The following CNTLN variants were observed in gnomAD, a reference collection of about 807,000 sequenced individuals.
CNTLN encodes centlein, centrosomal protein.
CNTLN carries 212 observed loss-of-function variants against 180.0 expected under a neutral mutation model. That is an observed-to-expected ratio of 1.18 (90% CI 1.05 to 1.32). CNTLN has a LOEUF of 1.32. CNTLN is among the 40% of genes most tolerant of loss of function. CNTLN has a pLI of 0.00. For synonymous variants in CNTLN, 722 were observed against 563.1 expected (o/e 1.28, Z -3.99); for missense variants, 2,095 against 1,610.9 (o/e 1.30, Z -5.14).
intron 5 of CNTLN, among the ~76,000 whole-genome samples, chr9:17,251,388 G>A (rs1576962): frequency 0.44 from 67,300 of 151,446 alleles, 15,796 homozygotes; most frequent in South Asian, 0.64. Context: ...CATAATATGT[G>A]TGTTGGTCTG....
intron 2 of CNTLN, among the ~76,000 whole-genome samples, chr9:17,174,588 C>G (rs771291953): frequency 6.6e-6 from 1 of 151,506 alleles, no homozygotes; most frequent in African/African-American, 2.4e-5. Context: ...CCCAGCTACT[C>G]GGGAGGCTGA....
At chr9:17,297,198 C>T (rs529027032) in intron 6 of CNTLN, among the ~76,000 whole-genome samples, 1 of 152,170 alleles carries the variant, frequency 6.6e-6, no homozygotes, top group South Asian at 2.1e-4. Flanking sequence ...ACATTATTTG[C>T]ATAGCATGTA....
At chr9:17,293,465 G>A (rs1755536801) in intron 6 of CNTLN, among the ~76,000 whole-genome samples, 1 of 152,196 alleles carries the variant, frequency 6.6e-6, no homozygotes, top group Non-Finnish European at 1.5e-5. Flanking sequence ...CTAAACCCCT[G>A]GCTGCAGTTG....
intron 5 of CNTLN, among the ~76,000 whole-genome samples, chr9:17,257,189 A>T (rs560843634): frequency 1.3e-5 from 2 of 149,772 alleles, no homozygotes; most frequent in Non-Finnish European, 3.0e-5. Context: ...ATGTGATCTC[A>T]TTGTTCAATT....
chr9:17,318,250 C>T (rs1339263721), intron 8 of CNTLN, among the ~76,000 whole-genome samples: 3 of 151,912 alleles, frequency 2.0e-5, no homozygotes, highest in African/African-American at 4.8e-5. Flanking sequence ...AAGATGGTCT[C>T]GGTTTCCTGA....
rs564682591 is a variant in CNTLN at position 17,145,137 on chromosome 9, G to A, written c.449+1761G>A. 6.5e-4 allele frequency among the ~76,000 whole-genome samples: 98 copies of A among 150,082 alleles called. 1 individual carries two copies. The highest frequency in any genetic ancestry group is 2.3e-3 in the African/African-American group (96 of 40,852). On this transcript the variant is annotated intron_variant, in intron 2 of 25. Transcript: ENST00000380647. ...ATTACAGGCGTGAGCCACCGCACCC[G>A]GCCTGGAGAATTTATTAAAATGAAG... is the stretch of plus-strand genomic sequence containing the variant.
At chr9:17,398,989 GT>G in intron 15 of CNTLN, among the ~76,000 whole-genome samples, 1 of 152,292 alleles carries the variant, frequency 6.6e-6, no homozygotes, top group East Asian at 1.9e-4. Context: ...GAGCCTGGAG[GT>G]AGCACCAGAG....
chr9:17,301,122 A>G (rs1818314960), intron 7 of CNTLN: 1 of 985,296 alleles, frequency 1.0e-6, no homozygotes, highest in South Asian at 4.7e-5. Context: ...TGCTGAGAAG[A>G]TAAGATATCA....
intron 6 of CNTLN, among the ~76,000 whole-genome samples, chr9:17,292,503 A>G (rs1375563673): frequency 1.3e-5 from 2 of 151,760 alleles, no homozygotes; most frequent in Non-Finnish European, 2.9e-5. Flanking sequence ...GTTTCTTTTC[A>G]TTCTTTTTTC....
intron 8 of CNTLN, among the ~76,000 whole-genome samples, chr9:17,312,365 T>TATATATATATAATATATATATATATATA (rs1819221748): frequency 1.4e-4 from 1 of 7,214 alleles, no homozygotes; most frequent in African/African-American, 2.3e-4. Flanking sequence ...ATATATATAT[T>TATATATATATAATATATATATATATATA]ATATATATAT....
At chr9:17,346,148 C>T (rs1448633459) in intron 12 of CNTLN, among the ~76,000 whole-genome samples, 2 of 152,092 alleles carry the variant, frequency 1.3e-5, no homozygotes, top group East Asian at 1.9e-4. Context: ...GAAGGGGAAG[C>T]AAGGACCTTT....
chr9:17,278,244 G>A (rs1469848596), intron 6 of CNTLN, among the ~76,000 whole-genome samples: 3 of 151,808 alleles, frequency 2.0e-5, no homozygotes, highest in Non-Finnish European at 4.4e-5. Context: ...AGGCTAAGCA[G>A]AGTAGAGATG....
At chr9:17,280,310 G>T (rs1746366576) in intron 6 of CNTLN, among the ~76,000 whole-genome samples, 1 of 152,056 alleles carries the variant, frequency 6.6e-6, no homozygotes, top group Non-Finnish European at 1.5e-5. Flanking sequence ...CCTTTGATCT[G>T]TATCTAGAGG....
At chr9:17,401,710 A>C (rs889494870) in intron 15 of CNTLN, among the ~76,000 whole-genome samples, 16 of 151,862 alleles carry the variant, frequency 1.1e-4, no homozygotes, top group Admixed American at 1.1e-3. Flanking sequence ...AAATTTTAAA[A>C]GTATTACAAG....
intron 3 of CNTLN, among the ~76,000 whole-genome samples, chr9:17,234,033 C>G (rs1277852562): frequency 6.6e-6 from 1 of 151,994 alleles, no homozygotes; most frequent in Non-Finnish European, 1.5e-5. Flanking sequence ...CAGGACCTCT[C>G]CTTTTACTTA....
intron 1 of CNTLN, among the ~76,000 whole-genome samples, chr9:17,137,318 C>T (rs544252365): frequency 6.6e-6 from 1 of 152,272 alleles, no homozygotes; most frequent in East Asian, 1.9e-4. Flanking sequence ...CTTCGGGAAT[C>T]TTGGGGAAAA....
chr9:17,425,761 G>A (rs894951509), intron 18 of CNTLN, among the ~76,000 whole-genome samples: 3 of 152,112 alleles, frequency 2.0e-5, no homozygotes, highest in African/African-American at 7.2e-5. Context: ...ACCTTGGATT[G>A]GCTGAATTGT....
intron 15 of CNTLN, among the ~76,000 whole-genome samples, chr9:17,406,801 T>C (rs955173478): frequency 5.3e-5 from 8 of 151,724 alleles, no homozygotes; most frequent in Non-Finnish European, 1.2e-4. Flanking sequence ...GAATAAAGAA[T>C]TATAAAGAGA....
intron 1 of CNTLN, among the ~76,000 whole-genome samples, chr9:17,137,133 T>C (rs573025134): frequency 6.6e-5 from 10 of 152,332 alleles, no homozygotes; most frequent in Non-Finnish European, 1.0e-4. Context: ...TTTTGTGACC[T>C]CGGACATATA....
Sources: gnomAD v4.1 joint callset for allele counts (sites outside exome capture counted in the v4.1 genomes callset) on GRCh38, gnomAD v4.1.1 for gene constraint, MANE v1.5 for transcripts, NCBI Gene and HGNC (gene_info 2026-07-23, HGNC 2026-07-21) for gene names.